Variants in NTM observed in about 807,000 individuals in gnomAD.
NTM encodes the protein IgLON family member 2.
NTM carries 13 observed loss-of-function variants against 42.1 expected under a neutral mutation model. That is an observed-to-expected ratio of 0.31 (90% CI 0.20 to 0.49). NTM has a LOEUF of 0.49. NTM is among the 20% of genes least tolerant of loss of function. The pLI is 0.99. For missense variants in NTM, 373 were observed against 452.8 expected, an observed-to-expected ratio of 0.82 and a Z score of 1.60; for synonymous variants, 187 against 179.2, an observed-to-expected ratio of 1.04 and a Z score of -0.35.
At chr11:132,211,821 T>A in intron 3 of NTM, 1 of 411,044 alleles carries the variant, frequency 2.4e-6, no homozygotes, top group Non-Finnish European at 4.3e-6. Flanking sequence ...ACTCCCTGAC[T>A]TTGTGTTTAA....
intron 3 of NTM, among the ~76,000 whole-genome samples, chr11:132,181,089 G>A (rs1003990923): frequency 1.3e-5 from 2 of 152,102 alleles, no homozygotes; most frequent in African/African-American, 2.4e-5. Context: ...CATTTTTTCA[G>A]TACTCTTTCT....
intron 3 of NTM, among the ~76,000 whole-genome samples, chr11:132,176,722 G>GATT (rs2076868514): frequency 1.2e-5 from 1 of 82,004 alleles, no homozygotes; most frequent in African/African-American, 4.8e-5. Flanking sequence ...CATGCCTAAA[G>GATT]TTTTTTTTTT....
At chr11:131,693,011 G>A (rs1171587753) in intron 1 of NTM, among the ~76,000 whole-genome samples, 1 of 152,084 alleles carries the variant, frequency 6.6e-6, no homozygotes, top group Non-Finnish European at 1.5e-5. Context: ...AGTAGTAATG[G>A]CAGAGCAGGG....
Position 131,507,644 on chromosome 11 carries a change from G to A in NTM, c.82+136756G>A, listed in dbSNP as rs1591868288. ...TGGCATTGAATCTGTAAATTACCTT[G>A]GGCAGTATGGCCATTTTCACGATAT... On this transcript the variant is annotated intron_variant, in intron 1 of 8. Coordinates refer to ENST00000683400, the MANE Select transcript of NTM (RefSeq NM_001352005.2). Among the ~76,000 whole-genome samples, 3 of 148,244 alleles carry A rather than the reference G, an allele frequency of 2.0e-5. No individual in the cohort carries two copies. In the South Asian group the frequency reaches 6.7e-4, roughly 33 times the overall value.
At chr11:131,932,558 G>C (rs369875457) in intron 2 of NTM, among the ~76,000 whole-genome samples, 1 of 152,118 alleles carries the variant, frequency 6.6e-6, no homozygotes, top group Non-Finnish European at 1.5e-5. Flanking sequence ...ATTCTTCCTG[G>C]ATCTTAATTG....
intron 1 of NTM, among the ~76,000 whole-genome samples, chr11:131,599,005 C>T (rs1443268230): frequency 6.6e-6 from 1 of 151,720 alleles, no homozygotes; most frequent in African/African-American, 2.4e-5. Flanking sequence ...CCTCTGCCTC[C>T]CAGGTTCAAG....
intron 1 of NTM, among the ~76,000 whole-genome samples, chr11:131,439,050 T>C (rs1258787078): frequency 1.3e-5 from 2 of 152,246 alleles, no homozygotes; most frequent in Non-Finnish European, 2.9e-5. Context: ...GTCCCTCAGC[T>C]GCAGGTCTGT....
intron 1 of NTM, among the ~76,000 whole-genome samples, chr11:131,782,378 A>T (rs1045636562): frequency 4.2e-4 from 64 of 152,012 alleles, no homozygotes; most frequent in Non-Finnish European, 5.6e-4. Context: ...ACAAAAAAAA[A>T]CAACTCTAGG....
At chr11:132,305,884 G>A (rs1195133340) in intron 4 of NTM, among the ~76,000 whole-genome samples, 3 of 152,182 alleles carry the variant, frequency 2.0e-5, no homozygotes, top group Non-Finnish European at 2.9e-5. Flanking sequence ...CTTTTTGGCT[G>A]TGTTTTCTAC....
At chr11:131,489,420 A>C (rs1382640645) in intron 1 of NTM, among the ~76,000 whole-genome samples, 2 of 152,220 alleles carry the variant, frequency 1.3e-5, no homozygotes, top group Middle Eastern at 3.4e-3. Context: ...CCAAGGGTTC[A>C]CTCTGTGCTC....
chr11:131,877,386 G>A (rs1213004480), intron 1 of NTM, among the ~76,000 whole-genome samples: 1 of 152,212 alleles, frequency 6.6e-6, no homozygotes, highest in Admixed American at 6.5e-5. Flanking sequence ...CTATCTTCAA[G>A]AGTGTGTCCA....
chr11:132,178,639 G>A (rs541000439), intron 3 of NTM, among the ~76,000 whole-genome samples: 66 of 152,190 alleles, frequency 4.3e-4, no homozygotes, highest in East Asian at 2.1e-3. Flanking sequence ...GACAATTGAC[G>A]CCTTGTGTAT....
intron 2 of NTM, among the ~76,000 whole-genome samples, chr11:131,915,883 C>T (rs2056263721): frequency 6.6e-6 from 1 of 152,192 alleles, no homozygotes; most frequent in Non-Finnish European, 1.5e-5. Context: ...CACTGGGTCC[C>T]TCCCACAACA....
At chr11:131,759,902 G>A (rs960429628) in intron 1 of NTM, among the ~76,000 whole-genome samples, 3 of 151,984 alleles carry the variant, frequency 2.0e-5, no homozygotes, top group African/African-American at 7.3e-5. Flanking sequence ...CTTCACAGGA[G>A]GGAGAGAACG....
At chr11:132,320,626 C>T (rs868165329) in intron 7 of NTM, among the ~76,000 whole-genome samples, 1 of 152,204 alleles carries the variant, frequency 6.6e-6, no homozygotes, top group Non-Finnish European at 1.5e-5. Flanking sequence ...CCCAGGCTTG[C>T]TTAGGTAAAC....
chr11:131,775,235 A>C (rs575829312), intron 1 of NTM, among the ~76,000 whole-genome samples: 6 of 152,366 alleles, frequency 3.9e-5, no homozygotes, highest in African/African-American at 1.4e-4. Flanking sequence ...GATTTGGAGC[A>C]TTACAACTCA....
intron 2 of NTM, among the ~76,000 whole-genome samples, chr11:132,081,649 G>T (rs572534903): frequency 5.9e-5 from 9 of 151,562 alleles, no homozygotes; most frequent in Non-Finnish European, 1.3e-4. Flanking sequence ...GGAGAATGGC[G>T]TGAACCCGGG....
intron 1 of NTM, among the ~76,000 whole-genome samples, chr11:131,582,557 A>T (rs1489451415): frequency 1.3e-5 from 2 of 151,240 alleles, no homozygotes; most frequent in Non-Finnish European, 2.9e-5. Context: ...TGCTTTGTTA[A>T]TTTTTTTTAA....
intron 1 of NTM, among the ~76,000 whole-genome samples, chr11:131,570,589 C>A (rs1227176270): frequency 6.6e-6 from 1 of 152,184 alleles, no homozygotes; most frequent in Non-Finnish European, 1.5e-5. Context: ...CTTTGGGAGT[C>A]TGACGTGGGT....
Sources: gnomAD v4.1 joint callset for allele counts (sites outside exome capture counted in the v4.1 genomes callset) on GRCh38, gnomAD v4.1.1 for gene constraint, MANE v1.5 for transcripts, NCBI Gene and HGNC (gene_info 2026-07-23, HGNC 2026-07-21) for gene names.